The following RGS6 variants were observed in gnomAD, a reference collection of about 807,000 sequenced individuals.
RGS6 encodes regulator of G-protein signaling 6.
A neutral mutation model predicts 78.5 loss-of-function variants in RGS6; 30 were observed. That is an observed-to-expected ratio of 0.38 (90% CI 0.29 to 0.52). The LOEUF (loss-of-function observed/expected upper bound fraction) is 0.52, where lower values mean the gene tolerates loss of function less well. Ranked by LOEUF, RGS6 falls within the 20% of genes least tolerant of loss-of-function variation. The pLI, the probability that RGS6 is intolerant of heterozygous loss-of-function variation, is 0.85. For synonymous variants in RGS6, 206 were observed against 206.0 expected (o/e 1.00, Z 0.00); for missense variants, 495 against 609.7 (o/e 0.81, Z 1.98).
At chr14:72,629,933 G>A in the RGS6 span, among the ~76,000 whole-genome samples, 1 of 152,106 alleles carries the variant, frequency 6.6e-6, no homozygotes, top group Non-Finnish European at 1.5e-5. Context: ...GCAAAACAGA[G>A]ATATAAGCAC....
chr14:72,216,613 A>G (rs927248084), intron 2 of RGS6, among the ~76,000 whole-genome samples: 1 of 152,236 alleles, frequency 6.6e-6, no homozygotes. Flanking sequence ...TGCAGGTCTT[A>G]CAATTTTGGT....
At chr14:72,151,933 A>G (rs543564084) in intron 2 of RGS6, among the ~76,000 whole-genome samples, 2 of 152,350 alleles carry the variant, frequency 1.3e-5, no homozygotes, top group South Asian at 4.1e-4. Context: ...TGGGAACTAC[A>G]GGTTTTTAAT....
chr14:72,077,032 G>A (rs1258152457), intron 2 of RGS6, among the ~76,000 whole-genome samples: 2 of 149,802 alleles, frequency 1.3e-5, no homozygotes, highest in Non-Finnish European at 3.0e-5. Context: ...TATCCTACAG[G>A]AAATGATGTA....
intron 2 of RGS6, among the ~76,000 whole-genome samples, chr14:72,078,637 C>T (rs564284458): frequency 6.6e-6 from 1 of 152,206 alleles, no homozygotes; most frequent in South Asian, 2.1e-4. Flanking sequence ...AGGCTGGTCT[C>T]GAATTCCTGA....
At chr14:71,868,497 A>G in the RGS6 span, among the ~76,000 whole-genome samples, 9 of 152,206 alleles carry the variant, frequency 5.9e-5, no homozygotes, top group Non-Finnish European at 1.3e-4. Flanking sequence ...TTTCTTTTCA[A>G]AAAGTTGTCC....
At chr14:72,209,295 A>G (rs767414614) in intron 2 of RGS6, among the ~76,000 whole-genome samples, 1 of 152,252 alleles carries the variant, frequency 6.6e-6, no homozygotes, top group Non-Finnish European at 1.5e-5. Flanking sequence ...TGAAAGGCAG[A>G]TAAAAAGTAT....
chr14:72,419,383 A>G (rs995517296), intron 3 of RGS6, among the ~76,000 whole-genome samples: 2 of 152,200 alleles, frequency 1.3e-5, no homozygotes, highest in Non-Finnish European at 2.9e-5. Flanking sequence ...AACTTGTCCA[A>G]GCTCTCATAG....
chr14:72,107,986 A>G (rs1203395762), intron 2 of RGS6, among the ~76,000 whole-genome samples: 2 of 152,144 alleles, frequency 1.3e-5, no homozygotes, highest in African/African-American at 4.8e-5. Context: ...AATAGTTATT[A>G]ATGCTATACT....
chr14:72,481,485 G>A (rs1466732988), intron 12 of RGS6, among the ~76,000 whole-genome samples: 1 of 152,146 alleles, frequency 6.6e-6, no homozygotes, highest in African/African-American at 2.4e-5. Flanking sequence ...TGCACTGCAT[G>A]TCTCCTTCCA....
intron 3 of RGS6, among the ~76,000 whole-genome samples, chr14:72,404,045 A>G (rs2092703193): frequency 6.6e-6 from 1 of 152,220 alleles, no homozygotes; most frequent in African/African-American, 2.4e-5. Context: ...CACCGGCCAT[A>G]CAAGAAGGTT....
At chr14:72,412,993 T>G (rs1048665504) in intron 3 of RGS6, among the ~76,000 whole-genome samples, 2 of 152,234 alleles carry the variant, frequency 1.3e-5, no homozygotes, top group African/African-American at 4.8e-5. Context: ...TCCAACTATG[T>G]GGTCAATTTT....
At chr14:72,582,508 G>A in the RGS6 span, among the ~76,000 whole-genome samples, 3 of 152,196 alleles carry the variant, frequency 2.0e-5, no homozygotes, top group African/African-American at 7.2e-5. Flanking sequence ...TAGGATGGCA[G>A]AATCACACAT....
At chr14:72,335,050 G>A (rs528763423) in intron 2 of RGS6, among the ~76,000 whole-genome samples, 1 of 142,870 alleles carries the variant, frequency 7.0e-6, no homozygotes, top group South Asian at 2.2e-4. Context: ...CTGTTCTCAT[G>A]ATAGTGAATA....
intron 3 of RGS6, among the ~76,000 whole-genome samples, chr14:72,356,843 T>C (rs1460689038): frequency 6.6e-6 from 1 of 152,256 alleles, no homozygotes; most frequent in Non-Finnish European, 1.5e-5. Flanking sequence ...TCAGCCGTGC[T>C]GAACTGTGAG....
At chr14:72,296,628 G>A (rs538184299) in intron 2 of RGS6, among the ~76,000 whole-genome samples, 11 of 152,200 alleles carry the variant, frequency 7.2e-5, no homozygotes, top group Non-Finnish European at 1.5e-4. Flanking sequence ...TTTGTCAAAT[G>A]TCTATTCAGA....
rs537896513 is a variant in RGS6 at position 72,076,529 on chromosome 14, C to G, written c.84+111654C>G. ...GTACATTTAACATTCATATACATAT[C>G]TATACACACTTTTTTTTGAGACAGC... On this transcript the variant is annotated intron_variant, in intron 2 of 17. Transcript: ENST00000553525. Among the ~76,000 whole-genome samples, 6 of 152,224 alleles carry G rather than the reference C, an allele frequency of 3.9e-5. No homozygotes were observed. In the South Asian group the frequency reaches 1.0e-3, roughly 26 times the overall value.
At chr14:71,933,565 C>T (rs2088294960) in intron 1 of RGS6, among the ~76,000 whole-genome samples, 1 of 152,030 alleles carries the variant, frequency 6.6e-6, no homozygotes, top group Non-Finnish European at 1.5e-5. Flanking sequence ...AAGAAGTGGC[C>T]CAGTGAGACA....
chr14:71,910,606 G>A, the RGS6 span, among the ~76,000 whole-genome samples: 1 of 152,204 alleles, frequency 6.6e-6, no homozygotes, highest in Non-Finnish European at 1.5e-5. Flanking sequence ...TATGAGGGTT[G>A]AGGAGAAATT....
chr14:72,501,280 G>A (rs1045074330), intron 13 of RGS6, among the ~76,000 whole-genome samples: 3 of 152,230 alleles, frequency 2.0e-5, no homozygotes, highest in South Asian at 4.2e-4. Flanking sequence ...ATAGAATCAC[G>A]GATAAGATGA....
Sources: allele counts gnomAD v4.1 joint callset (sites outside exome capture counted in the v4.1 genomes callset), GRCh38; gene constraint gnomAD v4.1.1; transcripts MANE v1.5; gene names NCBI Gene and HGNC (gene_info 2026-07-23, HGNC 2026-07-21).